The following MAP4K4 variants were observed in gnomAD, a reference collection of about 807,000 sequenced individuals.
The protein encoded by MAP4K4 is HPK/GCK-like kinase HGK.
A neutral mutation model predicts 189.6 loss-of-function variants in MAP4K4; 38 were observed. The observed-to-expected ratio is 0.20, with a 90% CI of 0.15 to 0.26. MAP4K4 has a LOEUF of 0.26. MAP4K4 is among the 10% of genes least tolerant of loss of function. MAP4K4 has a pLI of 1.00. For missense variants in MAP4K4, 1,054 were observed against 1,726.9 expected, an observed-to-expected ratio of 0.61 and a Z score of 6.91; for synonymous variants, 610 against 624.3, an observed-to-expected ratio of 0.98 and a Z score of 0.34.
At chr2:101,754,507 G>A (rs1041428548) in intron 2 of MAP4K4, among the ~76,000 whole-genome samples, 19 of 151,782 alleles carry the variant, frequency 1.3e-4, no homozygotes, top group Admixed American at 1.2e-3. Flanking sequence ...GTGTACCACC[G>A]TGCCCAGCTG....
Position 101,863,835 on chromosome 2 carries a change from C to CA in MAP4K4, c.1881_1882insA (p.Leu628ThrfsTer19). ...TTTCTTGTAAGGTACAGTGGTCCCA[C>CA]CTGGCATCTCTCAAGAACAATGTTT... On this transcript the variant is annotated frameshift_variant, in exon 17 of 33. Coordinates refer to ENST00000324219, the Ensembl canonical transcript of MAP4K4. LOFTEE classifies it high-confidence loss of function. The CA allele has an allele frequency of 7.3e-7, 1 of 1,367,590 alleles. No homozygotes were observed. Among genetic ancestry groups the CA allele is most frequent in the Non-Finnish European group, 9.8e-7 (1 of 1,021,732 alleles). The allele number at this position is 1,367,590 out of a possible 1,614,324, so 84.7% of individuals were successfully genotyped here.
intron 3 of MAP4K4, among the ~76,000 whole-genome samples, chr2:101,810,893 C>G (rs544768982): frequency 6.6e-6 from 1 of 152,292 alleles, no homozygotes; most frequent in African/African-American, 2.4e-5. Context: ...AGTAGAAACA[C>G]TAGCTGTTGA....
intron 2 of MAP4K4, among the ~76,000 whole-genome samples, chr2:101,704,521 ATGTGTGTGTG>A (rs36106185): frequency 1.7e-5 from 1 of 57,400 alleles, no homozygotes; most frequent in Admixed American, 2.5e-4. Context: ...CCAATATTTT[ATGTGTGTGTG>A]TGTGTGTGTG....
intron 12 of MAP4K4, among the ~76,000 whole-genome samples, chr2:101,848,251 A>G (rs944996161): frequency 2.0e-5 from 3 of 152,228 alleles, no homozygotes; most frequent in East Asian, 1.9e-4. Flanking sequence ...TACCTGTTAC[A>G]CTATATTATT....
At chr2:101,787,978 A>G (rs2091960338) in intron 2 of MAP4K4, among the ~76,000 whole-genome samples, 1 of 151,452 alleles carries the variant, frequency 6.6e-6, no homozygotes, top group African/African-American at 2.4e-5. Flanking sequence ...TAATTTTTGT[A>G]TTTTTAGTGG....
chr2:101,794,356 T>C (rs1204916933), intron 3 of MAP4K4, among the ~76,000 whole-genome samples: 5 of 152,182 alleles, frequency 3.3e-5, no homozygotes, highest in Non-Finnish European at 5.9e-5. Context: ...CTTTTACCAG[T>C]GATTGCTCAA....
In MAP4K4 at chr2:101,832,181, A is replaced by G. The variant is rs1218220847; in HGVS notation, c.639+330A>G. Among the ~76,000 whole-genome samples, 9 of 152,308 alleles carry G rather than the reference A, an allele frequency of 5.9e-5. No individual in the cohort carries two copies. The South Asian group carries it at 8.3e-4, about 14-fold the overall frequency. ...TTAGAATCAAATATTTATTCTTTTA[A>G]AAATATTGCCAATATAAAGTAATAG... is the stretch of plus-strand genomic sequence containing the variant. On this transcript the variant is annotated intron_variant, in intron 7 of 32. Coordinates refer to ENST00000324219, the Ensembl canonical transcript of MAP4K4.
chr2:101,720,526 G>A lies in MAP4K4; in HGVS notation c.123+21988G>A, dbSNP rs151318136. ...GAGAAACCTCCAAGGACCCAGTGAGGTGGAGGGACTGACTGGCTAAAAGAT... is the reference window on the plus strand; with the variant it reads ...GAGAAACCTCCAAGGACCCAGTGAGATGGAGGGACTGACTGGCTAAAAGAT... On this transcript the variant is annotated intron_variant, in intron 2 of 32. Transcript: ENST00000324219. Among the ~76,000 whole-genome samples, 676 of 152,234 alleles carry A rather than the reference G, an allele frequency of 4.4e-3. 5 individuals carry two copies. The highest frequency in any genetic ancestry group is 0.015 in the African/African-American group (636 of 41,510).
At chr2:101,853,015 C>T (rs548622490) in intron 12 of MAP4K4, among the ~76,000 whole-genome samples, 45 of 152,314 alleles carry the variant, frequency 3.0e-4, no homozygotes, top group African/African-American at 1.1e-3. Flanking sequence ...TCCTCAACCC[C>T]GTAGGATATT....
intron 22 of MAP4K4, 69 bp downstream of exon 22, chr2:101,869,866 GT>G: frequency 6.8e-7 from 1 of 1,460,516 alleles, no homozygotes; most frequent in East Asian, 2.5e-5. Flanking sequence ...CTGGGACCTA[GT>G]TGTTCCTAGA....
exon 18 of MAP4K4, chr2:101,865,034 C>G (rs1216168642): frequency 1.3e-6 from 2 of 1,555,226 alleles, no homozygotes; most frequent in South Asian, 1.2e-5. Flanking sequence ...GAAACTCCAC[C>G]AGGTAAAAGA....
At chr2:101,716,233 G>T (rs1044312835) in intron 2 of MAP4K4, among the ~76,000 whole-genome samples, 3 of 152,178 alleles carry the variant, frequency 2.0e-5, no homozygotes, top group Admixed American at 6.5e-5. Context: ...CACGAGGTCA[G>T]GAGATTGAGA....
intron 2 of MAP4K4, among the ~76,000 whole-genome samples, chr2:101,776,974 G>A (rs928529050): frequency 1.3e-5 from 2 of 152,048 alleles, no homozygotes; most frequent in Admixed American, 1.3e-4. Context: ...ATAGAAAGGC[G>A]GGAGACTTTG....
At position 101,757,986 on chromosome 2, in the gene MAP4K4, C is replaced by G. The variant is rs548455080; in HGVS notation, c.124-32734C>G. Among the ~76,000 whole-genome samples, 25 of 152,324 alleles carry G rather than the reference C, an allele frequency of 1.6e-4. 1 individual carries two copies. In the South Asian group the frequency reaches 5.0e-3, roughly 30 times the overall value. On this transcript the variant is annotated intron_variant, in intron 2 of 32. Transcript: ENST00000324219. ...GTTGCAGTGAGGCGAGATTGCACCACTGCACTCCAGCCTGAGTGACAAGAG... is the reference window on the plus strand; with the variant it reads ...GTTGCAGTGAGGCGAGATTGCACCAGTGCACTCCAGCCTGAGTGACAAGAG...
intron 2 of MAP4K4, among the ~76,000 whole-genome samples, chr2:101,776,306 T>G (rs1225958854): frequency 1.3e-5 from 2 of 152,188 alleles, no homozygotes. Context: ...ATTGCTGTTC[T>G]GCACTCAAGA....
At chr2:101,876,083 G>A (rs1224580452) in intron 26 of MAP4K4, among the ~76,000 whole-genome samples, 1 of 152,218 alleles carries the variant, frequency 6.6e-6, no homozygotes, top group Non-Finnish European at 1.5e-5. Flanking sequence ...GGTTTTCTCT[G>A]GCTCTAGTGG....
intron 12 of MAP4K4, among the ~76,000 whole-genome samples, chr2:101,851,724 CTTTTTTTTTT>C (rs36217584): frequency 1.3e-3 from 88 of 67,906 alleles, no homozygotes; most frequent in South Asian, 3.4e-3. Flanking sequence ...TAACTGTCCT[CTTTTTTTTTT>C]TTTTTTTTTT....
chr2:101,705,870 T>C (rs2042054478), intron 2 of MAP4K4, among the ~76,000 whole-genome samples: 1 of 152,136 alleles, frequency 6.6e-6, no homozygotes, highest in Non-Finnish European at 1.5e-5. Context: ...CTTTGAACAT[T>C]GGGGAGCTAC....
At chr2:101,705,436 G>C (rs1488691173) in intron 2 of MAP4K4, among the ~76,000 whole-genome samples, 4 of 152,158 alleles carry the variant, frequency 2.6e-5, no homozygotes, top group Non-Finnish European at 4.4e-5. Flanking sequence ...CTGACACATG[G>C]AAACAGCACA....
Sources: allele counts gnomAD v4.1 joint callset (sites outside exome capture counted in the v4.1 genomes callset), GRCh38; gene constraint gnomAD v4.1.1; transcripts MANE v1.5; gene names NCBI Gene and HGNC (gene_info 2026-07-23, HGNC 2026-07-21).